OR5K3: variants seen among roughly 807,000 people sequenced by gnomAD.
OR5K3 encodes the protein olfactory receptor 5K3.
For missense variants in OR5K3, 498 were observed against 383.2 expected (o/e 1.30, Z -2.50); for synonymous variants, 178 against 132.6 (o/e 1.34, Z -2.35).
Position 98,390,795 on chromosome 3 carries a change from G to C in OR5K3, c.130G>C (p.Gly44Arg). ...TCTGATCACCATGGTGGGGAACATT[G>C]GTTTGGTGGCATTGATTTATATAGA... ...IYLITMVGNI[G>R]LVALIYIEQR... The change falls in exon 1 of 1, where the codon GGT (glycine) becomes CGT (arginine). Residue 44 changes from glycine (G) to arginine (R), a missense_variant. Physicochemically the swap from Gly to Arg is moderately radical, Grantham distance 125 (BLOSUM62 -2). Transcript: ENST00000383695. 6.2e-7 allele frequency: 1 copy of C among 1,614,134 alleles called. No individual in the cohort carries two copies. Among genetic ancestry groups the C allele is most frequent in the South Asian group, 1.1e-5 (1 of 91,066 alleles).
At position 98,390,725 on chromosome 3, in the gene OR5K3, T is replaced by C. The variant is rs1707456385; in HGVS notation, c.60T>C (p.His20=). The change falls in exon 1 of 1, where the codon CAT becomes CAC. Residue 20 remains histidine (H), a synonymous_variant. Coordinates refer to ENST00000383695, the MANE Select transcript of OR5K3 (RefSeq NM_001005516.1). The stretch of plus-strand genomic sequence containing the variant: ...TCATCCTCACAGGATTTACATATCA[T>C]CCAAAGCTGAAGACTGTTCTGTTTG... ...AEFILTGFTY[H]PKLKTVLFVV... 6.2e-7 allele frequency: 1 copy of C among 1,614,034 alleles called. No homozygotes were observed. The highest frequency in any genetic ancestry group is 8.5e-7 in the Non-Finnish European group (1 of 1,179,992).
rs774041879 is a variant in OR5K3 at position 98,391,470 on chromosome 3, G to A, written c.805G>A (p.Asp269Asn). ...AGGTGCAGTTAATGAAGGGGATAAA[G>A]ATATACCTGTTGCTATATTTTATAC... is the stretch of plus-strand genomic sequence containing the variant. ...RPGAVNEGDK[D>N]IPVAIFYTLV... Residue 269 changes from aspartate to asparagine, a missense_variant, in exon 1 of 1, where the codon GAT (aspartate) becomes AAT (asparagine). Transcript: ENST00000383695. The A allele has an allele frequency of 2.0e-6, 3 of 1,535,494 alleles. No homozygotes were observed. The highest frequency in any genetic ancestry group is 2.3e-5 in the South Asian group (2 of 85,624).
Position 98,390,861 on chromosome 3 carries a change from C to A in OR5K3, c.196C>A (p.Leu66Ile), listed in dbSNP as rs758165458. The A allele has an allele frequency of 5.0e-6, 8 of 1,614,180 alleles. No individual in the cohort carries two copies. The Middle Eastern group carries it at 4.9e-4, about 100-fold the overall frequency. Residue 66 changes from leucine to isoleucine, a missense_variant, in exon 1 of 1, where the codon CTA (leucine) becomes ATA (isoleucine). Leu to Ile is a conservative substitution (Grantham distance 5). Transcript: ENST00000383695. The part of the protein sequence containing the change: ...HTPMYIFLGN[L>I]VLMDSCCSSA... ...ACCAATGTACATATTTTTAGGCAAC[C>A]TAGTTCTGATGGATTCCTGCTGTTC...
In OR5K3 at chr3:98,391,630, G is replaced by GA; in HGVS notation, c.966dup. 1 of 1,372,170 alleles carries GA rather than the reference G, an allele frequency of 7.3e-7. No homozygotes were observed. 85.0% of individuals were successfully genotyped at this position (1,372,170 alleles called of 1,614,324 possible). A position where few individuals can be genotyped will look rare whatever the true frequency, so the allele number is the denominator to read the frequency against. The change falls in exon 1 of 1, where the codon TGA becomes TGAA. Residue 322 remains the stop codon, a frameshift_variant and stop_retained_variant. Coordinates refer to ENST00000383695, the MANE Select transcript of OR5K3 (RefSeq NM_001005516.1). LOFTEE classifies it high-confidence loss of function. ...LKQMSSPLAT[*] is the part of the protein sequence containing the mutation. Reference sequence around the variant, plus strand: ...CAAATGTCATCCCCTCTGGCAACTTGATAATACTTTATTTTAAATCAAGGG... The same window carrying GA: ...CAAATGTCATCCCCTCTGGCAACTTGAATAATACTTTATTTTAAATCAAGGG...
chr3:98,391,033 A>G lies in OR5K3; in HGVS notation c.368A>G (p.Tyr123Cys). 6.2e-7 allele frequency: 1 copy of G among 1,614,198 alleles called. No homozygotes were observed. Among genetic ancestry groups the G allele is most frequent in the Non-Finnish European group, 8.5e-7 (1 of 1,180,024 alleles). The change falls in exon 1 of 1, where the codon TAT becomes TGT. Residue 123 changes from tyrosine to cysteine, a missense_variant. Physicochemically the swap from Tyr to Cys is radical, Grantham distance 194 (BLOSUM62 -2). Coordinates refer to ENST00000383695, the MANE Select transcript of OR5K3 (RefSeq NM_001005516.1). The stretch of plus-strand genomic sequence containing the variant: ...CTGGCGGCAATGGCCTATGACTGCT[A>G]TGTGGCCATATGCAACCCACTGCAG... ...FLLAAMAYDC[Y>C]VAICNPLQYH...
rs777438153 is a variant in OR5K3, at chr3:98,390,944, C to T, written c.279C>T (p.Thr93=). 1 of 1,614,162 alleles carries T rather than the reference C, an allele frequency of 6.2e-7. No individual in the cohort carries two copies. Among genetic ancestry groups the T allele is most frequent in the Non-Finnish European group, 8.5e-7 (1 of 1,180,028 alleles). ...ENFFSEDKRI[T]LYECMAQFYF... ...TCTTTTCTGAGGACAAAAGGATTAC[C>T]CTGTATGAATGTATGGCACAATTTT... is the stretch of plus-strand genomic sequence containing the variant. The change falls in exon 1 of 1, where the codon ACC becomes ACT. Residue 93 remains threonine (T), a synonymous_variant. Transcript: ENST00000383695.
In OR5K3 at chr3:98,390,677, G is replaced by A. The variant is rs767080673; in HGVS notation, c.12G>A (p.Glu4=). Residue 4 remains glutamate (E), a synonymous_variant, in exon 1 of 1, where the codon GAG becomes GAA. Transcript: ENST00000383695. MNK[E]NHSLIAEFIL... ...CAGACAAGGTGGAGATGAATAAGGAGAATCACTCCTTGATAGCTGAGTTCA... is the reference window on the plus strand; with the variant it reads ...CAGACAAGGTGGAGATGAATAAGGAAAATCACTCCTTGATAGCTGAGTTCA... 6.2e-7 allele frequency: 1 copy of A among 1,612,462 alleles called. No homozygotes were observed. Among genetic ancestry groups the A allele is most frequent in the African/African-American group, 1.3e-5 (1 of 74,882 alleles).
chr3:98,391,365 A>C lies in OR5K3; in HGVS notation c.700A>C (p.Lys234Gln), dbSNP rs1309324222. 6 of 1,610,044 alleles carry C rather than the reference A, an allele frequency of 3.7e-6. No individual in the cohort carries two copies. The highest frequency in any genetic ancestry group is 5.1e-6 in the Non-Finnish European group (6 of 1,178,880). ...FTMKSKEGRG[K>Q]ALSTCASHFL... Reference sequence around the variant, plus strand: ...AATGAAATCCAAGGAGGGAAGAGGCAAAGCTTTATCTACTTGTGCATCTCA... The same window carrying C: ...AATGAAATCCAAGGAGGGAAGAGGCCAAGCTTTATCTACTTGTGCATCTCA... The change falls in exon 1 of 1, where the codon AAA becomes CAA. Residue 234 changes from lysine (K) to glutamine (Q), a missense_variant. Physicochemically the swap from Lys to Gln is moderately conservative, Grantham distance 53. Coordinates refer to ENST00000383695, the MANE Select transcript of OR5K3 (RefSeq NM_001005516.1).
In OR5K3 at chr3:98,390,701, C is replaced by A; in HGVS notation, c.36C>A (p.Phe12Leu). 1 of 1,613,948 alleles carries A rather than the reference C, an allele frequency of 6.2e-7. No individual in the cohort carries two copies. Among genetic ancestry groups the A allele is most frequent in the Non-Finnish European group, 8.5e-7 (1 of 1,179,884 alleles). The change falls in exon 1 of 1, where the codon TTC (phenylalanine) becomes TTA (leucine). Residue 12 changes from phenylalanine to leucine, a missense_variant. Physicochemically the swap from Phe to Leu is conservative, Grantham distance 22. Transcript: ENST00000383695. ...NKENHSLIAE[F>L]ILTGFTYHPK... is the part of the protein sequence containing the mutation. Reference sequence around the variant, plus strand: ...AGAATCACTCCTTGATAGCTGAGTTCATCCTCACAGGATTTACATATCATC... The same window carrying A: ...AGAATCACTCCTTGATAGCTGAGTTAATCCTCACAGGATTTACATATCATC...
At position 98,390,845 on chromosome 3, in the gene OR5K3, C is replaced by A; in HGVS notation, c.180C>A (p.Tyr60Ter). The change falls in exon 1 of 1, where the codon TAC (tyrosine) becomes TAA (stop). Residue 60 changes from tyrosine to a stop codon, truncating the protein, a stop_gained. Transcript: ENST00000383695. LOFTEE classifies it low-confidence loss of function (END_TRUNC). ...YIEQRLHTPMYIFLGNLVLMD... is the reference protein window; with the variant it reads ...YIEQRLHTPM Reference sequence around the variant, plus strand: ...AGCAACGTCTTCACACACCAATGTACATATTTTTAGGCAACCTAGTTCTGA... The same window carrying A: ...AGCAACGTCTTCACACACCAATGTAAATATTTTTAGGCAACCTAGTTCTGA... The A allele has an allele frequency of 6.2e-7, 1 of 1,614,232 alleles. No individual in the cohort carries two copies. The highest frequency in any genetic ancestry group is 1.6e-4 in the Middle Eastern group (1 of 6,062).
Position 98,391,565 on chromosome 3 carries a change from A to AC in OR5K3, c.900_901insC (p.Lys301GlnfsTer?), listed in dbSNP as rs757974846. 4.9e-6 allele frequency: 7 copies of AC among 1,426,082 alleles called. No homozygotes were observed. In the Admixed American group the frequency reaches 1.5e-4, roughly 30 times the overall value. 88.3% of individuals were successfully genotyped at this position (1,426,082 alleles called of 1,614,324 possible). A position where few individuals can be genotyped will look rare whatever the true frequency, so the allele number is the denominator to read the frequency against. On this transcript the variant is annotated frameshift_variant, in exon 1 of 1. Coordinates refer to ENST00000383695, the MANE Select transcript of OR5K3 (RefSeq NM_001005516.1). LOFTEE classifies it low-confidence loss of function (END_TRUNC). ...ATAAGGAAGTAATAAATATTATGAA[A>AC]AAAATTATGAAGAAGAGAAAATTTT...
At position 98,391,577 on chromosome 3, in the gene OR5K3, G is replaced by A. The variant is rs935073343; in HGVS notation, c.912G>A (p.Lys304=). 7 of 1,429,276 alleles carry A rather than the reference G, an allele frequency of 4.9e-6. No homozygotes were observed. In the Admixed American group the frequency reaches 7.5e-5, roughly 15 times the overall value. The allele number at this position is 1,429,276 out of a possible 1,614,324, so 88.5% of individuals were successfully genotyped here. A position where few individuals can be genotyped will look rare whatever the true frequency, so the allele number is the denominator to read the frequency against. ...TAAATATTATGAAAAAAATTATGAA[G>A]AAGAGAAAATTTTGTCACATTCTGA... ...EVINIMKKIM[K]KRKFCHILKQ... is the part of the protein sequence containing the mutation. The change falls in exon 1 of 1, where the codon AAG becomes AAA. Residue 304 remains lysine (K), a synonymous_variant. Transcript: ENST00000383695.
chr3:98,391,571 T>C lies in OR5K3; in HGVS notation c.906T>C (p.Ile302=). The stretch of plus-strand genomic sequence containing the variant: ...AAGTAATAAATATTATGAAAAAAAT[T>C]ATGAAGAAGAGAAAATTTTGTCACA... ...NKEVINIMKK[I]MKKRKFCHIL... Residue 302 remains isoleucine (I), a synonymous_variant, in exon 1 of 1, where the codon ATT becomes ATC. Coordinates refer to ENST00000383695, the MANE Select transcript of OR5K3 (RefSeq NM_001005516.1). 1 of 1,425,324 alleles carries C rather than the reference T, an allele frequency of 7.0e-7. No homozygotes were observed. Among genetic ancestry groups the C allele is most frequent in the South Asian group, 1.7e-5 (1 of 58,934 alleles). The allele number at this position is 1,425,324 out of a possible 1,614,324, so 88.3% of individuals were successfully genotyped here.
In OR5K3 at chr3:98,391,428, T is replaced by G; in HGVS notation, c.763T>G (p.Phe255Val). 2.5e-6 allele frequency: 4 copies of G among 1,606,372 alleles called. 1 individual carries two copies. The highest frequency in any genetic ancestry group is 4.5e-5 in the East Asian group (2 of 44,800). The change falls in exon 1 of 1, where the codon TTC becomes GTC. Residue 255 changes from phenylalanine to valine, a missense_variant. Transcript: ENST00000383695. ...SVSIFCDSLL[F>V]MYARPGAVNE... ...GTCAATATTCTGTGATTCCCTTCTC[T>G]TCATGTATGCTCGACCAGGTGCAGT...
rs765045172 is a variant in OR5K3 at position 98,391,332 on chromosome 3, A to G, written c.667A>G (p.Ile223Val). ...TTCTTATTTCTACATCCTTTTCACA[A>G]TATTTACAATGAAATCCAAGGAGGG... ...LVSYFYILFTIFTMKSKEGRG... is the reference protein window; with the variant it reads ...LVSYFYILFTVFTMKSKEGRG... The change falls in exon 1 of 1, where the codon ATA becomes GTA. Residue 223 changes from isoleucine to valine, a missense_variant. Ile to Val is a conservative substitution (Grantham distance 29). Coordinates refer to ENST00000383695, the MANE Select transcript of OR5K3 (RefSeq NM_001005516.1). 6.2e-6 allele frequency: 10 copies of G among 1,610,530 alleles called. No individual in the cohort carries two copies. The highest frequency in any genetic ancestry group is 5.5e-5 in the South Asian group (5 of 90,176).
At position 98,391,556 on chromosome 3, in the gene OR5K3, T is replaced by C; in HGVS notation, c.891T>C (p.Asn297=). 2 of 1,387,006 alleles carry C rather than the reference T, an allele frequency of 1.4e-6. No homozygotes were observed. The highest frequency in any genetic ancestry group is 9.6e-7 in the Non-Finnish European group (1 of 1,036,728). The allele number at this position is 1,387,006 out of a possible 1,614,324, so 85.9% of individuals were successfully genotyped here. Residue 297 remains asparagine, a synonymous_variant, in exon 1 of 1, where the codon AAT becomes AAC. Transcript: ENST00000383695. ...GCCTAAGAAATAAGGAAGTAATAAA[T>C]ATTATGAAAAAAATTATGAAGAAGA... ...IYSLRNKEVI[N]IMKKIMKKRK... is the part of the protein sequence containing the mutation.
chr3:98,391,142 A>G lies in OR5K3; in HGVS notation c.477A>G (p.Glu159=), dbSNP rs1319568129. The G allele has an allele frequency of 6.2e-7, 1 of 1,614,162 alleles. No individual in the cohort carries two copies. The highest frequency in any genetic ancestry group is 1.1e-5 in the South Asian group (1 of 91,088). Residue 159 remains glutamate, a synonymous_variant, in exon 1 of 1, where the codon GAA becomes GAG. Transcript: ENST00000383695. ...YLAGNLHPMI[E]VEFLLRLTFC... ...CTGGCAACCTGCATCCCATGATTGA[A>G]GTAGAGTTTCTGTTGAGGTTAACTT...
Position 98,391,113 on chromosome 3 carries a change from C to A in OR5K3, c.448C>A (p.Leu150Ile). 3 of 1,614,180 alleles carry A rather than the reference C, an allele frequency of 1.9e-6. No homozygotes were observed. The highest frequency in any genetic ancestry group is 2.5e-6 in the Non-Finnish European group (3 of 1,180,028). ...LCIQMTAGAY[L>I]AGNLHPMIEV... ...CATTCAGATGACTGCAGGAGCCTAC[C>A]TAGCTGGCAACCTGCATCCCATGAT... Residue 150 changes from leucine (L) to isoleucine (I), a missense_variant, in exon 1 of 1, where the codon CTA becomes ATA. Physicochemically the swap from Leu to Ile is conservative, Grantham distance 5. Coordinates refer to ENST00000383695, the MANE Select transcript of OR5K3 (RefSeq NM_001005516.1).
Position 98,390,794 on chromosome 3 carries a change from T to C in OR5K3, c.129T>C (p.Ile43=), listed in dbSNP as rs1707458038. The C allele has an allele frequency of 6.2e-7, 1 of 1,614,180 alleles. No individual in the cohort carries two copies. Among genetic ancestry groups the C allele is most frequent in the Non-Finnish European group, 8.5e-7 (1 of 1,180,018 alleles). Residue 43 remains isoleucine, a synonymous_variant, in exon 1 of 1, where the codon ATT becomes ATC. Coordinates refer to ENST00000383695, the MANE Select transcript of OR5K3 (RefSeq NM_001005516.1). ...AIYLITMVGN[I]GLVALIYIEQ... ...ATCTGATCACCATGGTGGGGAACAT[T>C]GGTTTGGTGGCATTGATTTATATAG...
Sources: gnomAD v4.1 joint callset for allele counts on GRCh38, gnomAD v4.1.1 for gene constraint, MANE v1.5 for transcripts, NCBI Gene and HGNC (gene_info 2026-07-23, HGNC 2026-07-21) for gene names.